TXLNG: variants seen among roughly 807,000 people sequenced by gnomAD.
TXLNG encodes the protein taxilin gamma.
TXLNG carries 5 observed loss-of-function variants against 38.8 expected under a neutral mutation model. That is an observed-to-expected ratio of 0.13 (90% CI 0.07 to 0.27). The LOEUF (loss-of-function observed/expected upper bound fraction) is 0.27. Among genes scored for constraint, TXLNG ranks in the 10% least tolerant of loss-of-function variants. The probability of loss-of-function intolerance (pLI) is 1.00; values close to 1 mark genes in which losing one functional copy is unlikely to be tolerated. For synonymous variants in TXLNG, 182 were observed against 158.2 expected (o/e 1.15, Z -1.13); for missense variants, 393 against 398.2 (o/e 0.99, Z 0.11).
At chrX:16,797,153 G>A (rs1446103711) in intron 1 of TXLNG, among the ~76,000 whole-genome samples, 2 of 109,400 alleles carry the variant, frequency 1.8e-5, no homozygotes, top group African/African-American at 6.7e-5. Flanking sequence ...ACGTGGTGGC[G>A]CATGCCTGTA....
Position 16,808,131 on chromosome X carries a change from G to A in TXLNG, c.103-10443G>A, listed in dbSNP as rs531642406. Among the ~76,000 whole-genome samples, 138 of 111,729 alleles carry A rather than the reference G, an allele frequency of 1.2e-3. 1 individual carries two copies. Among genetic ancestry groups the A allele is most frequent in the East Asian group, 0.01 (37 of 3,558 alleles). ...CTTAGCTCCAAGTATTGAGACAGTGGAAGGAAGATTGCGAAATATATCCTT... is the reference window on the plus strand; with the variant it reads ...CTTAGCTCCAAGTATTGAGACAGTGAAAGGAAGATTGCGAAATATATCCTT... On this transcript the variant is annotated intron_variant, in intron 1 of 9. Coordinates refer to ENST00000380122, the MANE Select transcript of TXLNG (RefSeq NM_018360.3).
intron 3 of TXLNG, among the ~76,000 whole-genome samples, chrX:16,826,338 G>A (rs1024888240): frequency 7.1e-5 from 8 of 112,117 alleles, no homozygotes; most frequent in African/African-American, 2.6e-4. Flanking sequence ...GTGGCTGTAA[G>A]GATGCGTGAT....
rs186203934 is a variant in TXLNG at position 16,801,212 on chromosome X, G to A, written c.102+14623G>A. On this transcript the variant is annotated intron_variant, in intron 1 of 9. Transcript: ENST00000380122. ...TTTTTTGTTTGTTTTTTGAGACAGA[G>A]TCTCACTCTGTCTCCCAGGCTGGAG... 5.0e-3 allele frequency among the ~76,000 whole-genome samples: 552 copies of A among 111,132 alleles called. 4 individuals are homozygous for A. The highest frequency in any genetic ancestry group is 0.017 in the African/African-American group (532 of 30,609).
At chrX:16,794,342 C>T (rs1007538184) in intron 1 of TXLNG, among the ~76,000 whole-genome samples, 11 of 111,746 alleles carry the variant, frequency 9.8e-5, no homozygotes, top group Non-Finnish European at 1.3e-4. Context: ...TAGGGGATAT[C>T]GAAAATTGAT....
At chrX:16,837,963 T>G (rs1430532335) in intron 8 of TXLNG, among the ~76,000 whole-genome samples, 1 of 111,912 alleles carries the variant, frequency 8.9e-6, no homozygotes, top group Non-Finnish European at 1.9e-5. Flanking sequence ...TGTTGCTGTT[T>G]TTTGTTTGTT....
intron 1 of TXLNG, among the ~76,000 whole-genome samples, chrX:16,794,738 T>C (rs1451673671): frequency 9.0e-6 from 1 of 111,568 alleles, no homozygotes; most frequent in Non-Finnish European, 1.9e-5. Flanking sequence ...CCATTTTACA[T>C]CTAAGAGTCT....
At chrX:16,787,386 T>G (rs1477879186) in intron 1 of TXLNG, among the ~76,000 whole-genome samples, 1 of 111,810 alleles carries the variant, frequency 8.9e-6, no homozygotes. Context: ...CCCCTCTTTT[T>G]TTTCTTTCAT....
chrX:16,810,321 A>G (rs1928468694), intron 1 of TXLNG, among the ~76,000 whole-genome samples: 1 of 112,206 alleles, frequency 8.9e-6, no homozygotes, highest in Admixed American at 9.5e-5. Context: ...GGCATATGAT[A>G]TAGAATTCTC....
rs781472993 is a variant in TXLNG at position 16,841,596 on chromosome X, G to T, written c.1417G>T (p.Ala473Ser). 1 of 1,211,600 alleles carries T rather than the reference G, an allele frequency of 8.3e-7. No individual in the cohort carries two copies. Among genetic ancestry groups the T allele is most frequent in the South Asian group, 1.8e-5 (1 of 56,984 alleles). Residue 473 changes from alanine (A) to serine (S), a missense_variant, in exon 10 of 10, where the codon GCA becomes TCA. By Grantham distance (99) the Ala-to-Ser change is moderately conservative. Coordinates refer to ENST00000380122, the MANE Select transcript of TXLNG (RefSeq NM_018360.3). ...CATCAAAGCGGCGAACAGGGATTTA[G>T]CAACACCTGTGATGCAGCCCTGTAC... ...AAIKAANRDL[A>S]TPVMQPCTAL...
intron 1 of TXLNG, among the ~76,000 whole-genome samples, chrX:16,800,823 A>G (rs941633798): frequency 1.8e-5 from 2 of 110,965 alleles, no homozygotes; most frequent in Non-Finnish European, 1.9e-5. Context: ...TACGGTTTGG[A>G]TCTTGTTCCC....
At chrX:16,832,894 T>C (rs1435901933) in intron 6 of TXLNG, 152 bp downstream of exon 6, 3 of 689,492 alleles carry the variant, frequency 4.4e-6, no homozygotes, top group Non-Finnish European at 4.2e-6. Context: ...TGTTTTGCTG[T>C]AGATTGAGAA....
intron 1 of TXLNG, among the ~76,000 whole-genome samples, chrX:16,799,091 G>A (rs1927987741): frequency 9.1e-6 from 1 of 110,014 alleles, no homozygotes; most frequent in Non-Finnish European, 1.9e-5. Flanking sequence ...GTTGGTCAGG[G>A]TGGTCTTGAA....
intron 9 of TXLNG, 132 bp downstream of exon 9, chrX:16,840,048 G>A (rs1015090285): frequency 6.4e-6 from 3 of 465,750 alleles, no homozygotes; most frequent in Non-Finnish European, 3.5e-6. Flanking sequence ...GCGTTGGGGC[G>A]GGGGTGGGGA....
chrX:16,840,632 C>T (rs760567583), intron 9 of TXLNG: 99 of 140,654 alleles, frequency 7.0e-4, no homozygotes, highest in African/African-American at 3.0e-3. Flanking sequence ...ATCAGCTGGG[C>T]GTAGTGGCAC....
chrX:16,793,294 A>C (rs183421990), intron 1 of TXLNG, among the ~76,000 whole-genome samples: 1 of 111,109 alleles, frequency 9.0e-6, no homozygotes, highest in Admixed American at 9.7e-5. Context: ...CTTACATTTT[A>C]TTACTTGAAG....
At chrX:16,812,396 CTTT>C (rs58240070) in intron 1 of TXLNG, among the ~76,000 whole-genome samples, 6 of 86,702 alleles carry the variant, frequency 6.9e-5, no homozygotes, top group Non-Finnish European at 4.5e-5. Flanking sequence ...ATATTTATTC[CTTT>C]TTTTTTTTTT....
chrX:16,796,431 A>C (rs1410840325), intron 1 of TXLNG, among the ~76,000 whole-genome samples: 3 of 111,795 alleles, frequency 2.7e-5, no homozygotes, highest in African/African-American at 9.7e-5. Flanking sequence ...ATCGTACTTA[A>C]ATTACCTTAT....
At chrX:16,811,100 A>G (rs758177411) in intron 1 of TXLNG, among the ~76,000 whole-genome samples, 2 of 112,093 alleles carry the variant, frequency 1.8e-5, no homozygotes, top group South Asian at 7.4e-4. Context: ...CCATTTGTGC[A>G]TAATAAGCTA....
chrX:16,823,103 T>G (rs1291455461), intron 3 of TXLNG, among the ~76,000 whole-genome samples: 1 of 111,573 alleles, frequency 9.0e-6, no homozygotes, highest in Non-Finnish European at 1.9e-5. Flanking sequence ...GCCAAAAATT[T>G]GAAAGACAAA....
Sources: allele counts gnomAD v4.1 joint callset (sites outside exome capture counted in the v4.1 genomes callset), GRCh38; gene constraint gnomAD v4.1.1; transcripts MANE v1.5; gene names NCBI Gene and HGNC (gene_info 2026-07-23, HGNC 2026-07-21).